Variants in FREM2 observed in about 807,000 individuals in gnomAD.
FREM2 encodes the protein FRAS1 related extracellular matrix 2.
A neutral mutation model predicts 219.9 loss-of-function variants in FREM2; 119 were observed. The observed-to-expected ratio is 0.54, with a 90% CI of 0.47 to 0.63. The LOEUF (loss-of-function observed/expected upper bound fraction) is 0.63. FREM2 is among the 30% of genes least tolerant of loss of function. The pLI is 0.00. For missense variants in FREM2, 4,030 were observed against 3,993.6 expected (o/e 1.01, Z -0.25); for synonymous variants, 1,562 against 1,522.8 (o/e 1.03, Z -0.60).
At chr13:38,761,009 G>A (rs935525364) in intron 2 of FREM2, among the ~76,000 whole-genome samples, 8 of 152,112 alleles carry the variant, frequency 5.3e-5, no homozygotes, top group African/African-American at 1.9e-4. Flanking sequence ...ATATTTAGAA[G>A]AGAATGATAT....
At chr13:38,836,169 C>T (rs1369024230) in intron 6 of FREM2, among the ~76,000 whole-genome samples, 4 of 152,080 alleles carry the variant, frequency 2.6e-5, no homozygotes, top group African/African-American at 7.2e-5. Context: ...TGAATTTTAT[C>T]GAAGGTCTTT....
chr13:38,714,355 C>T (rs893932590), intron 2 of FREM2, among the ~76,000 whole-genome samples: 2 of 152,192 alleles, frequency 1.3e-5, no homozygotes, highest in African/African-American at 4.8e-5. Flanking sequence ...ACATCAAATA[C>T]TTCTGAAAGT....
intron 2 of FREM2, among the ~76,000 whole-genome samples, chr13:38,732,994 A>G (rs1313768583): frequency 6.6e-6 from 1 of 152,222 alleles, no homozygotes. Flanking sequence ...AGAATCTTTG[A>G]CATGGATAAT....
At chr13:38,715,275 C>A (rs927334272) in intron 2 of FREM2, among the ~76,000 whole-genome samples, 7 of 152,050 alleles carry the variant, frequency 4.6e-5, no homozygotes, top group Non-Finnish European at 1.0e-4. Context: ...GAAATCCCAC[C>A]ACATGTTTTG....
intron 6 of FREM2, among the ~76,000 whole-genome samples, chr13:38,796,142 A>G (rs1176745480): frequency 6.6e-6 from 1 of 152,190 alleles, no homozygotes; most frequent in South Asian, 2.1e-4. Context: ...GATCTCATCC[A>G]TAACTGTGTA....
intron 2 of FREM2, among the ~76,000 whole-genome samples, chr13:38,761,727 G>T (rs905167722): frequency 2.0e-5 from 3 of 152,112 alleles, no homozygotes; most frequent in African/African-American, 7.2e-5. Context: ...CACACAGGAG[G>T]GGGATAGAGC....
rs151238088 is a variant in FREM2, at chr13:38,809,253, A to G, written c.6019+24445A>G. On this transcript the variant is annotated intron_variant, in intron 6 of 23. Coordinates refer to ENST00000280481, the MANE Select transcript of FREM2 (RefSeq NM_207361.6). The stretch of plus-strand genomic sequence containing the variant: ...TCTGTTTGGTTCATTTTAATGATAT[A>G]TATCTACTTGGGGAGTTTATCATCC... Among the ~76,000 whole-genome samples the G allele has an allele frequency of 7.7e-3, 1,153 of 150,132 alleles. 8 individuals are homozygous for G. The highest frequency in any genetic ancestry group is 0.011 in the Non-Finnish European group (722 of 67,794).
At chr13:38,695,987 C>A (rs2138077167) in intron 1 of FREM2, among the ~76,000 whole-genome samples, 1 of 152,222 alleles carries the variant, frequency 6.6e-6, no homozygotes, top group Non-Finnish European at 1.5e-5. Flanking sequence ...TGAAACTAGG[C>A]AGCAAGTGTG....
At chr13:38,866,282 G>A (rs577503864) in intron 16 of FREM2, among the ~76,000 whole-genome samples, 1 of 152,124 alleles carries the variant, frequency 6.6e-6, no homozygotes, top group South Asian at 2.1e-4. Context: ...ATCACCTGAG[G>A]TTGGGAGTCC....
At chr13:38,789,580 T>G (rs568097606) in intron 6 of FREM2, among the ~76,000 whole-genome samples, 1 of 151,312 alleles carries the variant, frequency 6.6e-6, no homozygotes, top group African/African-American at 2.4e-5. Context: ...ATAGAAATTT[T>G]TGGAAATTTC....
chr13:38,788,883 T>A (rs896067050), intron 6 of FREM2, among the ~76,000 whole-genome samples: 1 of 152,118 alleles, frequency 6.6e-6, no homozygotes, highest in Non-Finnish European at 1.5e-5. Context: ...TTAAACATTT[T>A]AAAAATTTCT....
rs1370610253 is a variant in FREM2 at position 38,878,256 on chromosome 13, C to G, written c.8794C>G (p.Pro2932Ala). The G allele has an allele frequency of 1.2e-6, 2 of 1,613,404 alleles. No homozygotes were observed. Among genetic ancestry groups the G allele is most frequent in the Non-Finnish European group, 1.7e-6 (2 of 1,179,726 alleles). ...TGATGGCTATGTTCCCAAGTATAGT[C>G]CAATGAATGCAGAATATGGCTGCTT... is the stretch of plus-strand genomic sequence containing the variant. ...GADGYVPKYS[P>A]MNAEYGCLAD... is the part of the protein sequence containing the mutation. The change falls in exon 22 of 24, where the codon CCA becomes GCA. Residue 2932 changes from proline (P) to alanine (A), a missense_variant. Coordinates refer to ENST00000280481, the MANE Select transcript of FREM2 (RefSeq NM_207361.6).
chr13:38,747,395 A>ATGTATG (rs1872527800), intron 2 of FREM2, among the ~76,000 whole-genome samples: 1 of 142,922 alleles, frequency 7.0e-6, no homozygotes, highest in Admixed American at 7.0e-5. Flanking sequence ...CTGATATAAT[A>ATGTATG]TGTGTGTGTG....
chr13:38,856,228 C>T lies in FREM2; in HGVS notation c.7028C>T (p.Pro2343Leu), dbSNP rs1239660555. Reference protein sequence around the residue: ...MREAFTVHLKPDENMIAEMQL... With the variant: ...MREAFTVHLKLDENMIAEMQL... ...GAGGCCTTCACTGTTCACCTAAAAC[C>T]TGATGAAAATATGATAGCAGAGATG... is the stretch of plus-strand genomic sequence containing the variant. The change falls in exon 12 of 24, where the codon CCT becomes CTT. Residue 2343 changes from proline (P) to leucine (L), a missense_variant. Around this residue, in one of 2 missense-constraint regions of FREM2, gnomAD observed 928 missense variants for 1,042.9 expected, o/e 0.89. Coordinates refer to ENST00000280481, the MANE Select transcript of FREM2 (RefSeq NM_207361.6). 6.2e-7 allele frequency: 1 copy of T among 1,612,682 alleles called. No homozygotes were observed. The highest frequency in any genetic ancestry group is 8.5e-7 in the Non-Finnish European group (1 of 1,179,106).
rs1877385177 is a variant in FREM2 at position 38,851,884 on chromosome 13, G to A, written c.6925+16G>A. On this transcript the variant is annotated intron_variant, in intron 11 of 23. Transcript: ENST00000280481. ...GTGTCAGAAGGTATGGGGCTCCCAG[G>A]GCCTGTCTCCTGATGGATCATGCCA... The A allele has an allele frequency of 6.2e-7, 1 of 1,609,964 alleles. No individual in the cohort carries two copies. The highest frequency in any genetic ancestry group is 8.5e-7 in the Non-Finnish European group (1 of 1,176,854).
intron 22 of FREM2, 29 bp from the exon 23 acceptor site, chr13:38,878,802 G>A (rs1353716954): frequency 6.2e-7 from 1 of 1,612,468 alleles, no homozygotes; most frequent in Non-Finnish European, 8.5e-7. Context: ...ATTATCTACA[G>A]CAATCACCAC....
intron 6 of FREM2, among the ~76,000 whole-genome samples, chr13:38,789,481 T>C (rs537491758): frequency 6.6e-6 from 1 of 151,772 alleles, no homozygotes; most frequent in South Asian, 2.1e-4. Flanking sequence ...CTTTTCTCTT[T>C]CAATTTATCT....
chr13:38,720,842 T>A (rs1315735098), intron 2 of FREM2, among the ~76,000 whole-genome samples: 1 of 152,190 alleles, frequency 6.6e-6, no homozygotes, highest in Admixed American at 6.5e-5. Flanking sequence ...GATGTCAGGA[T>A]GTCCAGAGGG....
intron 6 of FREM2, among the ~76,000 whole-genome samples, chr13:38,799,456 TA>T (rs2137848439): frequency 2.0e-5 from 3 of 152,234 alleles, no homozygotes; most frequent in African/African-American, 7.2e-5. Flanking sequence ...GATAAAATGT[TA>T]TTTAAATATC....
Sources: gnomAD v4.1 joint callset for allele counts (sites outside exome capture counted in the v4.1 genomes callset) on GRCh38, gnomAD v4.1.1 for gene constraint, gnomAD v4.1.1 regional missense constraint, MANE v1.5 for transcripts, NCBI Gene and HGNC (gene_info 2026-07-23, HGNC 2026-07-21) for gene names.